The following SHQ1 variants were observed in gnomAD, a reference collection of about 807,000 sequenced individuals.
SHQ1 encodes protein SHQ1 homolog.
Under a neutral mutation model 53.8 loss-of-function variants are expected in SHQ1, and 49 were observed. The ratio of observed to expected loss-of-function variants is 0.91; its 90% confidence interval spans 0.72 to 1.16. The LOEUF is 1.16. Among genes scored for constraint, SHQ1 ranks in the 50% most tolerant of loss-of-function variants. The pLI, the probability that SHQ1 is intolerant of heterozygous loss-of-function variation, is 0.00. For synonymous variants in SHQ1, 243 were observed against 251.0 expected (o/e 0.97, Z 0.30); for missense variants, 738 against 683.1 (o/e 1.08, Z -0.90).
the SHQ1 span, among the ~76,000 whole-genome samples, chr3:72,739,768 A>C: frequency 6.6e-6 from 1 of 152,342 alleles, no homozygotes; most frequent in South Asian, 2.1e-4. Context: ...AATAAAGGGA[A>C]AAGGAAACAG....
intron 10 of SHQ1, chr3:72,772,749 T>A: frequency 1.3e-6 from 1 of 748,872 alleles, no homozygotes; most frequent in Non-Finnish European, 2.5e-6. Flanking sequence ...CCGTGGATGA[T>A]CTTCATGGAA....
intron 9 of SHQ1, among the ~76,000 whole-genome samples, chr3:72,809,390 G>A (rs1464225879): frequency 2.6e-5 from 4 of 151,850 alleles, no homozygotes; most frequent in Non-Finnish European, 5.9e-5. Flanking sequence ...ATATATTATA[G>A]GAGACAAATA....
chr3:72,810,667 T>A (rs1442539113), intron 9 of SHQ1, among the ~76,000 whole-genome samples: 1 of 152,170 alleles, frequency 6.6e-6, no homozygotes, highest in Non-Finnish European at 1.5e-5. Flanking sequence ...GAGCTACCTT[T>A]ATTTAAATTA....
Position 72,844,247 on chromosome 3 carries a change from C to T in SHQ1, c.208+112G>A, listed in dbSNP as rs960241231. 2.7e-5 allele frequency: 22 copies of T among 825,752 alleles called. No individual in the cohort carries two copies. In the Admixed American group the frequency reaches 4.8e-4, roughly 18 times the overall value. The allele number at this position is 825,752 out of a possible 1,614,324, so 51.2% of individuals were successfully genotyped here. A position where few individuals can be genotyped will look rare whatever the true frequency, so the allele number is the denominator to read the frequency against. ...AAGAAACAAGAAAGAGTGATAGGAA[C>T]AGATTGTATTTGAAAGACATCAAAA... On this transcript the variant is annotated intron_variant, in intron 2 of 10. Transcript: ENST00000325599.
chr3:72,827,994 A>C (rs1707711485), intron 5 of SHQ1, among the ~76,000 whole-genome samples: 1 of 151,598 alleles, frequency 6.6e-6, no homozygotes, highest in African/African-American at 2.4e-5. Context: ...TGACCTCATG[A>C]CCCACCCCCT....
chr3:72,755,285 T>C (rs577292222), intron 10 of SHQ1, among the ~76,000 whole-genome samples: 6 of 151,178 alleles, frequency 4.0e-5, no homozygotes, highest in African/African-American at 1.5e-4. Flanking sequence ...GATGGATGGA[T>C]GGATGGATGG....
Position 72,820,182 on chromosome 3 carries a change from G to A in SHQ1, c.728-2798C>T, listed in dbSNP as rs554563087. Among the ~76,000 whole-genome samples the A allele has an allele frequency of 2.0e-5, 3 of 152,158 alleles. No homozygotes were observed. The East Asian group carries it at 5.8e-4, about 29-fold the overall frequency. ...TCATTTTTAAGTAATCATACCTATC[G>A]ACGTTTATCCATTTATAAAAGTTGA... is the stretch of plus-strand genomic sequence containing the variant. On this transcript the variant is annotated intron_variant, in intron 6 of 10. Coordinates refer to ENST00000325599, the MANE Select transcript of SHQ1 (RefSeq NM_018130.3).
chr3:72,765,215 G>C (rs996128183), intron 10 of SHQ1, among the ~76,000 whole-genome samples: 1 of 152,064 alleles, frequency 6.6e-6, no homozygotes, highest in African/African-American at 2.4e-5. Flanking sequence ...CTGCCTTCTT[G>C]TACAAGATCT....
chr3:72,789,664 C>A (rs1473234772), intron 10 of SHQ1, among the ~76,000 whole-genome samples: 1 of 152,172 alleles, frequency 6.6e-6, no homozygotes, highest in African/African-American at 2.4e-5. Flanking sequence ...TTGAGTAAAA[C>A]TGATTGTGCT....
chr3:72,784,387 G>C (rs1000514255), intron 10 of SHQ1, among the ~76,000 whole-genome samples: 4 of 152,178 alleles, frequency 2.6e-5, no homozygotes, highest in African/African-American at 9.7e-5. Flanking sequence ...AGTGGGCACT[G>C]CTGAGCTACT....
chr3:72,756,555 A>G (rs9865944), intron 10 of SHQ1, among the ~76,000 whole-genome samples: 5,540 of 152,094 alleles, frequency 0.036, 329 homozygotes, highest in African/African-American at 0.13. Context: ...TGGGGATTAC[A>G]GGAGTAAGCC....
intron 9 of SHQ1, among the ~76,000 whole-genome samples, chr3:72,809,353 C>A (rs1707049508): frequency 6.6e-6 from 1 of 151,554 alleles, no homozygotes; most frequent in Admixed American, 6.6e-5. Flanking sequence ...TTTTTAAAAT[C>A]TAAAGTGATA....
chr3:72,793,071 A>C (rs1316832030), intron 9 of SHQ1, 35 bp from the exon 10 acceptor site: 1 of 1,551,096 alleles, frequency 6.4e-7, no homozygotes, highest in Admixed American at 1.8e-5. Flanking sequence ...AATTATCCTT[A>C]AGAAAAAGAA....
chr3:72,796,028 G>T (rs1484855004), intron 9 of SHQ1, among the ~76,000 whole-genome samples: 1 of 150,780 alleles, frequency 6.6e-6, no homozygotes, highest in East Asian at 1.9e-4. Context: ...ACTGGACCCG[G>T]GGAGGCAGAG....
intron 10 of SHQ1, 135 bp downstream of exon 10, chr3:72,792,781 T>G: frequency 3.3e-6 from 2 of 610,006 alleles, no homozygotes; most frequent in Non-Finnish European, 2.5e-6. Context: ...CAAACCTCCA[T>G]CTCAAAAAAA....
chr3:72,754,243 C>T (rs543297887), intron 10 of SHQ1, among the ~76,000 whole-genome samples: 140 of 152,172 alleles, frequency 9.2e-4, no homozygotes, highest in African/African-American at 3.2e-3. Context: ...GTAGGAGAGC[C>T]GCTGAGGTTC....
At chr3:72,798,608 T>C (rs1482357733) in intron 9 of SHQ1, among the ~76,000 whole-genome samples, 1 of 152,232 alleles carries the variant, frequency 6.6e-6, no homozygotes, top group African/African-American at 2.4e-5. Flanking sequence ...AGAAGTGGCA[T>C]CTCAGGTTAA....
Position 72,819,442 on chromosome 3 carries a change from C to T in SHQ1, c.728-2058G>A, listed in dbSNP as rs183385396. Reference sequence around the variant, plus strand: ...TTATTTTTCATGTAGTCAAATATGTCCATTTTTTTTTTAAGACAAGATTCT... The same window carrying T: ...TTATTTTTCATGTAGTCAAATATGTTCATTTTTTTTTTAAGACAAGATTCT... On this transcript the variant is annotated intron_variant, in intron 6 of 10. Coordinates refer to ENST00000325599, the MANE Select transcript of SHQ1 (RefSeq NM_018130.3). Among the ~76,000 whole-genome samples the T allele has an allele frequency of 3.4e-4, 51 of 152,040 alleles. 1 individual carries two copies. The East Asian group carries it at 9.5e-3, about 28-fold the overall frequency.
chr3:72,835,691 C>T lies in SHQ1; in HGVS notation c.487-3210G>A, dbSNP rs75498830. The stretch of plus-strand genomic sequence containing the variant: ...TCTTGTTCTTCAACCCCATGTTCAC[C>T]GTCCTCTTCTGGCTCAAATACGCTC... On this transcript the variant is annotated intron_variant, in intron 4 of 10. Coordinates refer to ENST00000325599, the MANE Select transcript of SHQ1 (RefSeq NM_018130.3). 5.5e-3 allele frequency among the ~76,000 whole-genome samples: 842 copies of T among 152,278 alleles called. 10 individuals are homozygous for T. Among genetic ancestry groups the T allele is most frequent in the African/African-American group, 0.02 (811 of 41,542 alleles).
Sources: allele counts gnomAD v4.1 joint callset (sites outside exome capture counted in the v4.1 genomes callset), GRCh38; gene constraint gnomAD v4.1.1; transcripts MANE v1.5; gene names NCBI Gene and HGNC (gene_info 2026-07-23, HGNC 2026-07-21).